RALYL: variants seen among roughly 807,000 people sequenced by gnomAD.
The protein encoded by RALYL is RNA-binding Raly-like protein.
A neutral mutation model predicts 35.1 loss-of-function variants in RALYL; 29 were observed. That is an observed-to-expected ratio of 0.83 (90% CI 0.61 to 1.13). RALYL has a LOEUF of 1.13. RALYL is among the 50% of genes most tolerant of loss of function. The pLI, the probability that RALYL is intolerant of heterozygous loss-of-function variation, is 0.00. For missense variants in RALYL, 359 were observed against 360.4 expected, an observed-to-expected ratio of 1.00 and a Z score of 0.03; for synonymous variants, 120 against 127.6, an observed-to-expected ratio of 0.94 and a Z score of 0.40.
intron 1 of RALYL, among the ~76,000 whole-genome samples, chr8:84,290,845 A>T (rs925068763): frequency 6.6e-6 from 1 of 152,136 alleles, no homozygotes; most frequent in Non-Finnish European, 1.5e-5. Flanking sequence ...AACAACCATA[A>T]ATCATTGGAG....
At chr8:84,410,953 T>C (rs2132166552) in intron 1 of RALYL, among the ~76,000 whole-genome samples, 1 of 151,862 alleles carries the variant, frequency 6.6e-6, no homozygotes, top group East Asian at 1.9e-4. Flanking sequence ...TTAATGGCCT[T>C]TTCACTGAAA....
At chr8:84,589,761 G>T (rs1812813510) in intron 2 of RALYL, among the ~76,000 whole-genome samples, 1 of 152,134 alleles carries the variant, frequency 6.6e-6, no homozygotes, top group African/African-American at 2.4e-5. Flanking sequence ...TAAGAGAAGA[G>T]CAATAAGAAC....
chr8:84,759,742 G>C (rs1187525953), intron 2 of RALYL, among the ~76,000 whole-genome samples: 1 of 152,168 alleles, frequency 6.6e-6, no homozygotes, highest in Non-Finnish European at 1.5e-5. Context: ...ATATTGTACA[G>C]ATTCATTTAT....
At position 84,614,434 on chromosome 8, in the gene RALYL, T is replaced by C. The variant is rs149319337; in HGVS notation, c.256+84857T>C. Among the ~76,000 whole-genome samples, 23 of 151,836 alleles carry C rather than the reference T, an allele frequency of 1.5e-4. No individual in the cohort carries two copies. The East Asian group carries it at 3.9e-3, about 26-fold the overall frequency. On this transcript the variant is annotated intron_variant, in intron 2 of 8. Transcript: ENST00000521268. Reference sequence around the variant, plus strand: ...ACACATAAGAGATGGATCTCCTGCATGGAAGAGTGGTCACTAAACTTTAGA... The same window carrying C: ...ACACATAAGAGATGGATCTCCTGCACGGAAGAGTGGTCACTAAACTTTAGA...
chr8:84,354,139 A>G (rs1400434154), intron 1 of RALYL, among the ~76,000 whole-genome samples: 1 of 150,014 alleles, frequency 6.7e-6, no homozygotes, highest in Non-Finnish European at 1.5e-5. Context: ...AGCAATGTTA[A>G]GAATTACAAT....
chr8:84,469,541 T>TTCAAAGCTG (rs1342414508), intron 1 of RALYL, among the ~76,000 whole-genome samples: 1 of 152,184 alleles, frequency 6.6e-6, no homozygotes, highest in African/African-American at 2.4e-5. Context: ...CACTGCTCTC[T>TTCAAAGCTG]TCAAAGCTGT....
chr8:84,443,137 G>A (rs956328385), intron 1 of RALYL, among the ~76,000 whole-genome samples: 4 of 152,060 alleles, frequency 2.6e-5, no homozygotes, highest in African/African-American at 9.7e-5. Flanking sequence ...ATTTTATTAG[G>A]TGAGTGTTAT....
At chr8:84,755,847 TA>T (rs1585984541) in intron 2 of RALYL, among the ~76,000 whole-genome samples, 1 of 150,260 alleles carries the variant, frequency 6.7e-6, no homozygotes, top group South Asian at 2.1e-4. Context: ...CAGCTATTAT[TA>T]AAAAAGGCAA....
At chr8:84,270,930 C>CAATA (rs536092388) in intron 1 of RALYL, among the ~76,000 whole-genome samples, 1 of 151,598 alleles carries the variant, frequency 6.6e-6, no homozygotes, top group Non-Finnish European at 1.5e-5. Context: ...ATCCCATGTG[C>CAATA]AATAACATCT....
intron 2 of RALYL, among the ~76,000 whole-genome samples, chr8:84,716,334 T>A (rs1204042878): frequency 1.3e-5 from 2 of 152,208 alleles, no homozygotes; most frequent in African/African-American, 2.4e-5. Flanking sequence ...ATATTTAATT[T>A]TTATTTAATT....
chr8:84,746,313 A>T (rs1269294251), intron 2 of RALYL, among the ~76,000 whole-genome samples: 4 of 152,034 alleles, frequency 2.6e-5, no homozygotes, highest in African/African-American at 4.8e-5. Context: ...ATTTTATATG[A>T]TACTTAAAAA....
intron 1 of RALYL, among the ~76,000 whole-genome samples, chr8:84,429,063 G>A (rs1290995547): frequency 6.6e-6 from 1 of 152,100 alleles, no homozygotes; most frequent in Non-Finnish European, 1.5e-5. Context: ...TGAAAGCCAA[G>A]CAAAGGGAAA....
intron 6 of RALYL, 105 bp downstream of exon 6, chr8:84,862,558 C>T (rs1838326298): frequency 2.3e-6 from 2 of 882,750 alleles, no homozygotes; most frequent in South Asian, 4.6e-5. Context: ...TATGAAGGAC[C>T]TGCTATGTAT....
intron 1 of RALYL, among the ~76,000 whole-genome samples, chr8:84,254,511 G>A (rs1282226281): frequency 6.6e-6 from 1 of 151,990 alleles, no homozygotes; most frequent in Non-Finnish European, 1.5e-5. Context: ...GACATGTCAT[G>A]GTAGGAGGGG....
Position 84,727,936 on chromosome 8 carries a change from A to C in RALYL, c.257-46643A>C, listed in dbSNP as rs372533386. Reference sequence around the variant, plus strand: ...GTGAATAGTGCTGCAATAAACATACATGTGCATGTGTCTTTATAGCAGCAT... The same window carrying C: ...GTGAATAGTGCTGCAATAAACATACCTGTGCATGTGTCTTTATAGCAGCAT... On this transcript the variant is annotated intron_variant, in intron 2 of 8. Coordinates refer to ENST00000521268, the MANE Select transcript of RALYL (RefSeq NM_173848.7). Among the ~76,000 whole-genome samples the C allele has an allele frequency of 1.6e-4, 25 of 152,028 alleles. No individual in the cohort carries two copies. In the East Asian group the frequency reaches 4.3e-3, roughly 26 times the overall value.
At chr8:84,708,384 T>C (rs570293301) in intron 2 of RALYL, among the ~76,000 whole-genome samples, 2 of 152,254 alleles carry the variant, frequency 1.3e-5, no homozygotes, top group African/African-American at 4.8e-5. Context: ...TTGCCTTGCT[T>C]CTGATAGTAC....
chr8:84,655,635 T>A (rs1268510714), intron 2 of RALYL, among the ~76,000 whole-genome samples: 13 of 151,792 alleles, frequency 8.6e-5, no homozygotes, highest in African/African-American at 2.9e-4. Flanking sequence ...GATTATTAGA[T>A]TTTTTTTTCC....
chr8:84,334,567 A>T (rs902025590), intron 1 of RALYL, among the ~76,000 whole-genome samples: 1 of 151,650 alleles, frequency 6.6e-6, no homozygotes, highest in Non-Finnish European at 1.5e-5. Flanking sequence ...GTAACTTAAC[A>T]TTTAATATTA....
intron 2 of RALYL, among the ~76,000 whole-genome samples, chr8:84,746,033 C>T (rs1056109315): frequency 6.6e-6 from 1 of 151,988 alleles, no homozygotes; most frequent in African/African-American, 2.4e-5. Flanking sequence ...CATCTCTCAA[C>T]AAAGCCTGGC....
Sources: gnomAD v4.1 joint callset for allele counts (sites outside exome capture counted in the v4.1 genomes callset) on GRCh38, gnomAD v4.1.1 for gene constraint, MANE v1.5 for transcripts, NCBI Gene and HGNC (gene_info 2026-07-23, HGNC 2026-07-21) for gene names.